The following MCF2L2 variants were observed in gnomAD, a reference collection of about 807,000 sequenced individuals.
The protein encoded by MCF2L2 is probable guanine nucleotide exchange factor MCF2L2.
In MCF2L2, 102 loss-of-function variants were observed where a neutral mutation model predicts 150.2. That is an observed-to-expected ratio of 0.68 (90% CI 0.58 to 0.80). The LOEUF (loss-of-function observed/expected upper bound fraction) is 0.80, where lower values mean the gene tolerates loss of function less well. MCF2L2 is among the 30% of genes least tolerant of loss of function. The pLI is 0.00. For synonymous variants in MCF2L2, 465 were observed against 491.3 expected (o/e 0.95, Z 0.71); for missense variants, 1,256 against 1,372.8 (o/e 0.91, Z 1.34).
At chr3:183,384,386 T>C (rs1026130661) in intron 2 of MCF2L2, among the ~76,000 whole-genome samples, 1 of 152,236 alleles carries the variant, frequency 6.6e-6, no homozygotes, top group African/African-American at 2.4e-5. Context: ...TTAGAAATGA[T>C]GGTTTAGGAG....
intron 15 of MCF2L2, among the ~76,000 whole-genome samples, chr3:183,260,157 A>G (rs1423676247): frequency 6.6e-6 from 1 of 152,042 alleles, no homozygotes; most frequent in Non-Finnish European, 1.5e-5. Flanking sequence ...TTGACATTAC[A>G]TGGTTAACTC....
At chr3:183,408,908 T>A (rs911751030) in intron 1 of MCF2L2, among the ~76,000 whole-genome samples, 16 of 152,238 alleles carry the variant, frequency 1.1e-4, no homozygotes, top group African/African-American at 3.9e-4. Context: ...GAAAGTCTTC[T>A]ATACTAAATA....
chr3:183,354,332 C>T (rs1711634706), intron 3 of MCF2L2, among the ~76,000 whole-genome samples: 1 of 152,138 alleles, frequency 6.6e-6, no homozygotes, highest in Non-Finnish European at 1.5e-5. Flanking sequence ...TGCAGAGAAT[C>T]CCCTTCCCTT....
At chr3:183,326,505 A>AC (rs1442550804) in intron 5 of MCF2L2, among the ~76,000 whole-genome samples, 1 of 148,814 alleles carries the variant, frequency 6.7e-6, no homozygotes. Flanking sequence ...AAAAAAAAAA[A>AC]AAAAAAAAAA....
chr3:183,256,892 A>G (rs1725089461), intron 15 of MCF2L2, among the ~76,000 whole-genome samples: 1 of 152,158 alleles, frequency 6.6e-6, no homozygotes, highest in African/African-American at 2.4e-5. Context: ...CATGAGAAGG[A>G]CCATATTCAG....
chr3:183,354,472 C>T (rs1424590067), intron 3 of MCF2L2, among the ~76,000 whole-genome samples: 6 of 152,122 alleles, frequency 3.9e-5, no homozygotes, highest in Non-Finnish European at 8.8e-5. Flanking sequence ...GCTTCCACAA[C>T]CTGCACCCTC....
At position 183,179,573 on chromosome 3, in the gene MCF2L2, TCAC is replaced by T; in HGVS notation, c.3221+1_3221+3del. On this transcript the variant is annotated splice_donor_variant and splice_donor_region_variant and intron_variant, in intron 29 of 29. Transcript: ENST00000328913. LOFTEE classifies it high-confidence loss of function. The surrounding 1 kb of genome is among the most constrained non-coding windows in gnomAD (Gnocchi z 4.2). Reference sequence around the variant, plus strand: ...GCGCTTAGTCTTTCCTCGCTCACACTCACGTTTCCTCCTCATCGCGTTCTTCTT... The same window carrying T: ...GCGCTTAGTCTTTCCTCGCTCACACTGTTTCCTCCTCATCGCGTTCTTCTT... 1 of 1,613,898 alleles carries T rather than the reference TCAC, an allele frequency of 6.2e-7. No individual in the cohort carries two copies. Among genetic ancestry groups the T allele is most frequent in the East Asian group, 2.2e-5 (1 of 44,854 alleles).
chr3:183,399,223 T>C (rs1714617958), intron 1 of MCF2L2, among the ~76,000 whole-genome samples: 1 of 152,176 alleles, frequency 6.6e-6, no homozygotes, highest in African/African-American at 2.4e-5. Context: ...TATAAGTATA[T>C]GGTATATAAC....
chr3:183,355,096 A>T (rs1297551411), intron 3 of MCF2L2, among the ~76,000 whole-genome samples: 5 of 150,708 alleles, frequency 3.3e-5, no homozygotes, highest in Non-Finnish European at 1.5e-5. Flanking sequence ...TATTTATTTT[A>T]TTTTATTTTC....
intron 5 of MCF2L2, among the ~76,000 whole-genome samples, chr3:183,327,337 A>T (rs1489201561): frequency 3.3e-5 from 5 of 152,046 alleles, no homozygotes; most frequent in African/African-American, 1.2e-4. Flanking sequence ...AAAATAAATA[A>T]AAATAAATAA....
intron 3 of MCF2L2, among the ~76,000 whole-genome samples, chr3:183,344,161 T>C (rs1040971694): frequency 6.6e-6 from 1 of 151,526 alleles, no homozygotes; most frequent in African/African-American, 2.4e-5. Flanking sequence ...AAAAGTACTA[T>C]TGAAACTAGT....
chr3:183,223,483 C>T (rs762353473), intron 19 of MCF2L2, 45 bp from the exon 20 acceptor site: 14 of 1,418,710 alleles, frequency 9.9e-6, no homozygotes, highest in Non-Finnish European at 1.3e-5. Flanking sequence ...ACAAACAACA[C>T]ACACAGAATA....
At position 183,418,722 on chromosome 3, in the gene MCF2L2, C is replaced by T. The variant is rs182356602; in HGVS notation, c.76+9180G>A. ...TGATCTCCTTTGACTTCGTGTCTCA[C>T]ATCCAGGGTAAACTGATGCAAGGGA... is the stretch of plus-strand genomic sequence containing the variant. On this transcript the variant is annotated intron_variant, in intron 1 of 29. Coordinates refer to ENST00000328913, the MANE Select transcript of MCF2L2 (RefSeq NM_015078.4). 5.3e-5 allele frequency among the ~76,000 whole-genome samples: 8 copies of T among 152,378 alleles called. No homozygotes were observed. The East Asian group carries it at 1.5e-3, about 29-fold the overall frequency.
intron 3 of MCF2L2, among the ~76,000 whole-genome samples, chr3:183,352,851 TATC>T (rs1335124929): frequency 5.9e-5 from 9 of 152,374 alleles, no homozygotes; most frequent in African/African-American, 2.2e-4. Context: ...ATGATTGTAT[TATC>T]ATTATGTTTT....
chr3:183,372,074 T>C (rs1347609508), intron 3 of MCF2L2: 1 of 151,766 alleles, frequency 6.6e-6, no homozygotes, highest in African/African-American at 2.4e-5. Context: ...GGGAGGCAGG[T>C]TTGTCTGATG....
At chr3:183,358,923 C>T (rs1711955684) in intron 3 of MCF2L2, among the ~76,000 whole-genome samples, 1 of 151,612 alleles carries the variant, frequency 6.6e-6, no homozygotes, top group Non-Finnish European at 1.5e-5. Context: ...ATGCCTGGCC[C>T]AGAAATATAA....
At chr3:183,216,452 TTAAA>T (rs1466396792) in intron 21 of MCF2L2, among the ~76,000 whole-genome samples, 1 of 141,588 alleles carries the variant, frequency 7.1e-6, no homozygotes, top group African/African-American at 2.6e-5. Flanking sequence ...ATATAGTATA[TTAAA>T]TATTTATATA....
intron 23 of MCF2L2, among the ~76,000 whole-genome samples, chr3:183,207,104 T>C (rs1181629896): frequency 1.3e-5 from 2 of 152,024 alleles, no homozygotes; most frequent in African/African-American, 4.8e-5. Context: ...GTGGCTCCTG[T>C]ATGTGGGTGT....
chr3:183,397,740 G>A (rs532658104), intron 1 of MCF2L2, among the ~76,000 whole-genome samples: 1 of 152,112 alleles, frequency 6.6e-6, no homozygotes, highest in African/African-American at 2.4e-5. Context: ...GTCAAAATAT[G>A]AAATATGCAG....
Sources: allele counts gnomAD v4.1 joint callset (sites outside exome capture counted in the v4.1 genomes callset), GRCh38; gene constraint gnomAD v4.1.1; non-coding constraint Gnocchi (gnomAD v3.1); transcripts MANE v1.5; gene names NCBI Gene and HGNC (gene_info 2026-07-23, HGNC 2026-07-21).